LPCAT2: variants seen among roughly 807,000 people sequenced by gnomAD.
LPCAT2 encodes 1-AGP acyltransferase 11.
Under a neutral mutation model 64.7 loss-of-function variants are expected in LPCAT2, and 58 were observed. The observed-to-expected ratio is 0.90, with a 90% CI of 0.73 to 1.12. LPCAT2 has a LOEUF of 1.12. LPCAT2 is among the 50% of genes most tolerant of loss of function. The pLI is 0.00. For synonymous variants in LPCAT2, 252 were observed against 245.3 expected, an observed-to-expected ratio of 1.03 and a Z score of -0.26; for missense variants, 579 against 669.8, an observed-to-expected ratio of 0.86 and a Z score of 1.50.
Position 55,579,234 on chromosome 16 carries a change from A to C in LPCAT2, c.1440A>C (p.Ser480=), listed in dbSNP as rs746826897. The C allele has an allele frequency of 1.2e-6, 2 of 1,612,836 alleles. No individual in the cohort carries two copies. The highest frequency in any genetic ancestry group is 1.7e-6 in the Non-Finnish European group (2 of 1,179,384). The change falls in exon 13 of 14, where the codon TCA becomes TCC. Residue 480 remains serine, a synonymous_variant. Transcript: ENST00000262134. The stretch of plus-strand genomic sequence containing the variant: ...TCAAGGAAATAGCCCAAGGGGACTC[A>C]ATTTCCTATGGTGAGTAGGCAATCT... ...GLFKEIAQGD[S]ISYEEFKSFA... is the part of the protein sequence containing the mutation.
At chr16:55,554,868 C>G (rs1963557161) in intron 11 of LPCAT2, among the ~76,000 whole-genome samples, 1 of 152,060 alleles carries the variant, frequency 6.6e-6, no homozygotes, top group Non-Finnish European at 1.5e-5. Flanking sequence ...GTCCAGGGAA[C>G]AGGGAGGATC....
chr16:55,550,463 A>G (rs1482799830), intron 10 of LPCAT2, among the ~76,000 whole-genome samples: 1 of 152,200 alleles, frequency 6.6e-6, no homozygotes, highest in East Asian at 1.9e-4. Context: ...CTTAATACAG[A>G]CTATGGACTC....
intron 1 of LPCAT2, among the ~76,000 whole-genome samples, chr16:55,523,507 G>A (rs1314234940): frequency 6.6e-6 from 1 of 151,648 alleles, no homozygotes; most frequent in Non-Finnish European, 1.5e-5. Flanking sequence ...AGGTATAATA[G>A]CTGAAAACTT....
At chr16:55,580,055 G>A (rs1963872065) in intron 13 of LPCAT2, among the ~76,000 whole-genome samples, 1 of 152,176 alleles carries the variant, frequency 6.6e-6, no homozygotes, top group Non-Finnish European at 1.5e-5. Context: ...TGGATGTCAA[G>A]CTGGCTTATC....
Position 55,532,853 on chromosome 16 carries a change from C to T in LPCAT2, c.733C>T (p.Pro245Ser), listed in dbSNP as rs775305137. The stretch of plus-strand genomic sequence containing the variant: ...CTTCATTCCAGGAGTTCCAGTGCAG[C>T]CAGTCCTCCTCAGATACCCAAACAA... ...GAFIPGVPVQ[P>S]VLLRYPNKLD... Residue 245 changes from proline to serine, a missense_variant, in exon 6 of 14, where the codon CCA (proline) becomes TCA (serine). Transcript: ENST00000262134. 55 of 1,611,940 alleles carry T rather than the reference C, an allele frequency of 3.4e-5. 1 individual carries two copies. The South Asian group carries it at 5.9e-4, about 17-fold the overall frequency.
intron 1 of LPCAT2, among the ~76,000 whole-genome samples, chr16:55,516,285 T>A (rs1261717059): frequency 1.3e-5 from 2 of 151,878 alleles, no homozygotes; most frequent in African/African-American, 4.8e-5. Context: ...TTGTATTTTT[T>A]ATAGAGATGG....
intron 1 of LPCAT2, among the ~76,000 whole-genome samples, chr16:55,509,786 A>G (rs1239968973): frequency 6.6e-6 from 1 of 152,066 alleles, no homozygotes; most frequent in Admixed American, 6.6e-5. Context: ...CTGAGCGGGC[A>G]CGGGAGGAGA....
intron 9 of LPCAT2, 109 bp from the exon 10 acceptor site, chr16:55,549,168 T>C: frequency 1.2e-6 from 1 of 829,640 alleles, no homozygotes; most frequent in South Asian, 1.8e-5. Context: ...TAAAAAGTAG[T>C]AAATACTTTT....
At chr16:55,560,739 T>C (rs1225505743) in intron 11 of LPCAT2, among the ~76,000 whole-genome samples, 1 of 152,070 alleles carries the variant, frequency 6.6e-6, no homozygotes, top group Non-Finnish European at 1.5e-5. Flanking sequence ...GCTGGTTAAT[T>C]GCAGGACTGA....
At chr16:55,565,352 C>A (rs543165915) in intron 11 of LPCAT2, among the ~76,000 whole-genome samples, 4 of 152,176 alleles carry the variant, frequency 2.6e-5, no homozygotes, top group African/African-American at 9.6e-5. Flanking sequence ...AATTCCACTT[C>A]TTGGTATATA....
intron 8 of LPCAT2, chr16:55,541,705 C>A: frequency 2.9e-6 from 1 of 342,908 alleles, no homozygotes. Context: ...CTTTCTAAGC[C>A]TGCATTCTCA....
rs762916542 is a variant in LPCAT2 at position 55,534,435 on chromosome 16, T to C, written c.763-8T>C. On this transcript the variant is annotated splice_polypyrimidine_tract_variant and splice_region_variant and intron_variant, in intron 6 of 13. Coordinates refer to ENST00000262134, the MANE Select transcript of LPCAT2 (RefSeq NM_017839.5). Reference sequence around the variant, plus strand: ...AGACCAACAGCTAAAATAATTTTGTTATTATAGGATACTGTGACCTGGACA... The same window carrying C: ...AGACCAACAGCTAAAATAATTTTGTCATTATAGGATACTGTGACCTGGACA... The C allele has an allele frequency of 6.6e-7, 1 of 1,520,586 alleles. No homozygotes were observed. The highest frequency in any genetic ancestry group is 1.2e-5 in the South Asian group (1 of 83,756). 94.2% of individuals were successfully genotyped at this position (1,520,586 alleles called of 1,614,324 possible). A position where few individuals can be genotyped will look rare whatever the true frequency, so the allele number is the denominator to read the frequency against.
intron 11 of LPCAT2, among the ~76,000 whole-genome samples, chr16:55,561,905 G>A (rs1028013072): frequency 1.3e-5 from 2 of 152,016 alleles, no homozygotes; most frequent in Admixed American, 1.3e-4. Flanking sequence ...AAACCACTCA[G>A]TGTGGCAGAA....
At position 55,549,317 on chromosome 16, in the gene LPCAT2, T is replaced by C; in HGVS notation, c.976T>C (p.Cys326Arg). ...IPVTDHTYED[C>R]RLMISAGQLT... ...AGTAACAGATCATACCTATGAAGACTGCAGATTGATGATTTCAGCAGGACA... is the reference window on the plus strand; with the variant it reads ...AGTAACAGATCATACCTATGAAGACCGCAGATTGATGATTTCAGCAGGACA... Residue 326 changes from cysteine (C) to arginine (R), a missense_variant, in exon 10 of 14, where the codon TGC becomes CGC. Cys to Arg is a radical substitution (Grantham distance 180). Coordinates refer to ENST00000262134, the MANE Select transcript of LPCAT2 (RefSeq NM_017839.5). 1 of 1,605,018 alleles carries C rather than the reference T, an allele frequency of 6.2e-7. No individual in the cohort carries two copies. The highest frequency in any genetic ancestry group is 1.7e-5 in the Admixed American group (1 of 58,378).
intron 8 of LPCAT2, chr16:55,542,127 A>G (rs1257938063): frequency 1.6e-5 from 6 of 381,292 alleles, no homozygotes; most frequent in Admixed American, 4.8e-5. Flanking sequence ...CTGAGAATCT[A>G]TGTAAGTGAC....
At chr16:55,510,305 G>A (rs1342763747) in intron 1 of LPCAT2, among the ~76,000 whole-genome samples, 3 of 152,080 alleles carry the variant, frequency 2.0e-5, no homozygotes, top group East Asian at 1.9e-4. Flanking sequence ...ATGCACAAAG[G>A]AAGTTTCCTT....
rs549500360 is a variant in LPCAT2 at position 55,563,843 on chromosome 16, C to T, written c.1216-10788C>T. ...CTACTAACATGGTATTGGAAATCATCGCGAGAACAGTTAGGCAAGAAAAAG... is the reference window on the plus strand; with the variant it reads ...CTACTAACATGGTATTGGAAATCATTGCGAGAACAGTTAGGCAAGAAAAAG... On this transcript the variant is annotated intron_variant, in intron 11 of 13. Coordinates refer to ENST00000262134, the MANE Select transcript of LPCAT2 (RefSeq NM_017839.5). Among the ~76,000 whole-genome samples, 19 of 151,772 alleles carry T rather than the reference C, an allele frequency of 1.3e-4. 1 individual carries two copies. The Middle Eastern group carries it at 0.014, about 109-fold the overall frequency.
chr16:55,550,498 T>C (rs1188273301), intron 10 of LPCAT2, among the ~76,000 whole-genome samples: 1 of 152,236 alleles, frequency 6.6e-6, no homozygotes, highest in Non-Finnish European at 1.5e-5. Context: ...AGATTTAAAA[T>C]ATTTGCTTTC....
At chr16:55,568,080 G>T (rs976829332) in intron 11 of LPCAT2, among the ~76,000 whole-genome samples, 2 of 151,928 alleles carry the variant, frequency 1.3e-5, no homozygotes, top group Non-Finnish European at 2.9e-5. Context: ...TTTATATAAG[G>T]GTAGCATTTT....
Sources: allele counts gnomAD v4.1 joint callset (sites outside exome capture counted in the v4.1 genomes callset), GRCh38; gene constraint gnomAD v4.1.1; transcripts MANE v1.5; gene names NCBI Gene and HGNC (gene_info 2026-07-23, HGNC 2026-07-21).